GRM1: variants seen among roughly 807,000 people sequenced by gnomAD.
GRM1 encodes the protein glutamate metabotropic receptor 1.
GRM1 carries 33 observed loss-of-function variants against 90.9 expected under a neutral mutation model. The ratio of observed to expected loss-of-function variants is 0.36; its 90% CI spans 0.28 to 0.49. The LOEUF is 0.49. Among genes scored for constraint, GRM1 ranks in the 20% least tolerant of loss-of-function variants. GRM1 has a pLI of 0.99. For synonymous variants in GRM1, 700 were observed against 613.2 expected (o/e 1.14, Z -2.09); for missense variants, 1,190 against 1,534.3 (o/e 0.78, Z 3.75).
intron 1 of GRM1, among the ~76,000 whole-genome samples, chr6:146,111,959 A>C (rs1775577729): frequency 6.6e-6 from 1 of 152,234 alleles, no homozygotes; most frequent in Non-Finnish European, 1.5e-5. Context: ...TCTCAAATAC[A>C]GGGCCTATAT....
intron 2 of GRM1, among the ~76,000 whole-genome samples, chr6:146,286,288 TA>T (rs1333210620): frequency 1.3e-5 from 2 of 152,126 alleles, no homozygotes; most frequent in Non-Finnish European, 2.9e-5. Flanking sequence ...TCGATACATA[TA>T]AAAATACAAA....
At chr6:146,158,095 G>T (rs970864146) in intron 1 of GRM1, among the ~76,000 whole-genome samples, 1 of 152,174 alleles carries the variant, frequency 6.6e-6, no homozygotes, top group Non-Finnish European at 1.5e-5. Context: ...ATGTGCTGAT[G>T]AATTTTAAAT....
intron 2 of GRM1, among the ~76,000 whole-genome samples, chr6:146,286,233 TTTAAATTTCC>T (rs1782762870): frequency 6.6e-6 from 1 of 152,164 alleles, no homozygotes; most frequent in Admixed American, 6.5e-5. Context: ...ATGTAACTAT[TTTAAATTTCC>T]TCCAAATTTC....
intron 5 of GRM1, among the ~76,000 whole-genome samples, chr6:146,368,137 G>A (rs1775761667): frequency 6.6e-6 from 1 of 151,198 alleles, no homozygotes; most frequent in African/African-American, 2.4e-5. Flanking sequence ...AATGAAAAAT[G>A]CTTTTTTATT....
At chr6:146,385,866 T>C (rs1776481772) in intron 5 of GRM1, among the ~76,000 whole-genome samples, 1 of 152,016 alleles carries the variant, frequency 6.6e-6, no homozygotes, top group Non-Finnish European at 1.5e-5. Context: ...TAATCTTATC[T>C]GAATGTACAT....
intron 2 of GRM1, among the ~76,000 whole-genome samples, chr6:146,229,845 C>A (rs1323380602): frequency 6.6e-6 from 1 of 152,126 alleles, no homozygotes; most frequent in African/African-American, 2.4e-5. Flanking sequence ...TTAGTGCTCA[C>A]AACAGACCTA....
intron 2 of GRM1, among the ~76,000 whole-genome samples, chr6:146,203,336 C>A (rs1779385887): frequency 6.6e-6 from 1 of 151,928 alleles, no homozygotes; most frequent in Non-Finnish European, 1.5e-5. Flanking sequence ...GCCGCTATTC[C>A]CTCTGTCGGG....
chr6:146,042,339 G>C (rs901136365), intron 1 of GRM1, among the ~76,000 whole-genome samples: 3 of 152,016 alleles, frequency 2.0e-5, no homozygotes, highest in African/African-American at 7.2e-5. Flanking sequence ...AGGGAGATGA[G>C]AGATCCAATG....
chr6:146,078,095 G>GA (rs995538085), intron 1 of GRM1, among the ~76,000 whole-genome samples: 1 of 151,900 alleles, frequency 6.6e-6, no homozygotes, highest in African/African-American at 2.4e-5. Context: ...AACACTATTG[G>GA]AAAAAAAAGA....
intron 7 of GRM1, among the ~76,000 whole-genome samples, chr6:146,423,929 T>C (rs1778101241): frequency 6.6e-6 from 1 of 152,190 alleles, no homozygotes; most frequent in African/African-American, 2.4e-5. Context: ...TGGTGTTTTG[T>C]ATTTTTCATT....
intron 1 of GRM1, among the ~76,000 whole-genome samples, chr6:146,093,755 A>AC (rs1364934903): frequency 5.3e-5 from 8 of 152,028 alleles, no homozygotes; most frequent in African/African-American, 1.9e-4. Flanking sequence ...GTGCTCAATA[A>AC]AGGACTGCCA....
intron 1 of GRM1, among the ~76,000 whole-genome samples, chr6:146,045,816 T>C (rs1791310553): frequency 6.6e-6 from 1 of 151,400 alleles, no homozygotes; most frequent in Admixed American, 6.6e-5. Context: ...ACTCTACTTA[T>C]TATCACTCTT....
At chr6:146,261,507 A>T (rs1434534861) in intron 2 of GRM1, among the ~76,000 whole-genome samples, 1 of 152,222 alleles carries the variant, frequency 6.6e-6, no homozygotes, top group South Asian at 2.1e-4. Context: ...AAAAATCAAG[A>T]TTTTCTAAAC....
At chr6:146,199,289 G>GGCAACTCAA (rs1779221619) in intron 2 of GRM1, among the ~76,000 whole-genome samples, 1 of 152,084 alleles carries the variant, frequency 6.6e-6, no homozygotes, top group East Asian at 1.9e-4. Context: ...CATTTGCCAA[G>GGCAACTCAA]GCAACTCAAG....
chr6:146,097,557 C>T (rs1218732563), intron 1 of GRM1, among the ~76,000 whole-genome samples: 4 of 152,152 alleles, frequency 2.6e-5, no homozygotes, highest in Non-Finnish European at 2.9e-5. Flanking sequence ...GTTTAACCCT[C>T]TTACTCTAGA....
chr6:146,128,317 TAATAGGATATGTTTATC>T (rs1041872803), intron 1 of GRM1, among the ~76,000 whole-genome samples: 16 of 152,276 alleles, frequency 1.1e-4, no homozygotes, highest in South Asian at 8.3e-4. Flanking sequence ...GCTAAGATAA[TAATAGGATATGTTTATC>T]AAGAGCATTT....
intron 1 of GRM1, among the ~76,000 whole-genome samples, chr6:146,047,469 G>A (rs1174484219): frequency 6.6e-6 from 1 of 151,614 alleles, no homozygotes; most frequent in Non-Finnish European, 1.5e-5. Flanking sequence ...TGCAGCTAGA[G>A]TTGCAGCCTC....
chr6:146,148,640 A>G (rs1001370673), intron 1 of GRM1, among the ~76,000 whole-genome samples: 7 of 152,186 alleles, frequency 4.6e-5, no homozygotes, highest in Admixed American at 4.6e-4. Context: ...AAATGAAATT[A>G]TTTTCTGAGT....
intron 2 of GRM1, among the ~76,000 whole-genome samples, chr6:146,251,611 T>C (rs1583223632): frequency 6.6e-6 from 1 of 152,224 alleles, no homozygotes; most frequent in Non-Finnish European, 1.5e-5. Flanking sequence ...TTCAGAAGCA[T>C]GGCATTTAAG....
Sources: allele counts gnomAD v4.1 joint callset (sites outside exome capture counted in the v4.1 genomes callset), GRCh38; gene constraint gnomAD v4.1.1; transcripts MANE v1.5; gene names NCBI Gene and HGNC (gene_info 2026-07-23, HGNC 2026-07-21).